The following SMARCC1 variants were observed in gnomAD, a reference collection of about 807,000 sequenced individuals.
SMARCC1 encodes the protein SWI/SNF complex subunit SMARCC1.
SMARCC1 carries 43 observed loss-of-function variants against 147.4 expected under a neutral mutation model. That is an observed-to-expected ratio of 0.29 (90% CI 0.23 to 0.38). SMARCC1 has a LOEUF of 0.38. SMARCC1 is among the 10% of genes least tolerant of loss of function. The probability of loss-of-function intolerance (pLI) is 1.00; values close to 1 mark genes in which losing one functional copy is unlikely to be tolerated. For synonymous variants in SMARCC1, 495 were observed against 484.4 expected (o/e 1.02, Z -0.29); for missense variants, 1,119 against 1,381.1 (o/e 0.81, Z 3.01).
chr3:47,627,287 T>C (rs1358928331), intron 24 of SMARCC1, among the ~76,000 whole-genome samples: 1 of 151,906 alleles, frequency 6.6e-6, no homozygotes, highest in East Asian at 1.9e-4. Context: ...TATTATCTAG[T>C]AGCACAACTT....
chr3:47,661,587 C>A, intron 20 of SMARCC1, 132 bp from the exon 21 acceptor site: 1 of 585,576 alleles, frequency 1.7e-6, no homozygotes, highest in East Asian at 2.8e-5. Context: ...CTCTCAGTCC[C>A]TCTATACCAG....
intron 10 of SMARCC1, among the ~76,000 whole-genome samples, chr3:47,701,810 T>C (rs1003297299): frequency 2.0e-5 from 3 of 151,944 alleles, no homozygotes; most frequent in Non-Finnish European, 4.4e-5. Context: ...AGAGACTCCA[T>C]CTAAAAGAAT....
chr3:47,680,452 G>C lies in SMARCC1; in HGVS notation c.1442C>G (p.Ser481Cys). Residue 481 changes from serine to cysteine, a missense_variant, in exon 15 of 28, where the codon TCC becomes TGC. Around this residue, in one of 6 missense-constraint regions of SMARCC1, gnomAD observed 542 missense variants for 611.8 expected, o/e 0.89. Transcript: ENST00000254480. ...LPEFFNGKNK[S>C]KTPEIYLAYR... ...CTGGCCTCACATTTCTGGAGTCTTG[G>C]ATTTGTTTTTTCCATTGAAGAACTC... 6.2e-7 allele frequency: 1 copy of C among 1,605,484 alleles called. No individual in the cohort carries two copies. The highest frequency in any genetic ancestry group is 2.2e-5 in the East Asian group (1 of 44,460).
chr3:47,590,350 A>G (rs2032155992), intron 27 of SMARCC1, among the ~76,000 whole-genome samples: 1 of 152,250 alleles, frequency 6.6e-6, no homozygotes, highest in Admixed American at 6.5e-5. Context: ...CAGTAGCTCT[A>G]CATGTCTGTT....
Position 47,701,557 on chromosome 3 carries a change from G to C in SMARCC1, c.1041-155C>G, listed in dbSNP as rs796844653. On this transcript the variant is annotated intron_variant, in intron 10 of 27. Transcript: ENST00000254480. Reference sequence around the variant, plus strand: ...AGGTCGGTCGCGGTGGTTCATGCCTGTAATCAGAGCACTTTGGGAGGCCGA... The same window carrying C: ...AGGTCGGTCGCGGTGGTTCATGCCTCTAATCAGAGCACTTTGGGAGGCCGA... The C allele has an allele frequency of 2.9e-5, 20 of 679,268 alleles. 1 individual carries two copies. The South Asian group carries it at 3.3e-4, about 11-fold the overall frequency. 42.1% of individuals were successfully genotyped at this position (679,268 alleles called of 1,614,324 possible).
chr3:47,696,791 G>A (rs981590500), intron 11 of SMARCC1, among the ~76,000 whole-genome samples: 6 of 152,096 alleles, frequency 3.9e-5, no homozygotes, highest in African/African-American at 1.2e-4. Context: ...CCAAAGTGGT[G>A]GGATTACAGG....
chr3:47,780,220 G>A (rs1344663377), intron 1 of SMARCC1, among the ~76,000 whole-genome samples: 1 of 121,530 alleles, frequency 8.2e-6, no homozygotes, highest in African/African-American at 3.2e-5. Flanking sequence ...TACCTAGGCT[G>A]GAGTGCAATG....
chr3:47,656,526 A>C (rs1054359164), intron 21 of SMARCC1, among the ~76,000 whole-genome samples: 1 of 152,218 alleles, frequency 6.6e-6, no homozygotes, highest in Non-Finnish European at 1.5e-5. Context: ...CAACTTCTCA[A>C]ATCCAATGAT....
chr3:47,751,398 G>A (rs962388074), intron 2 of SMARCC1, among the ~76,000 whole-genome samples: 1 of 151,912 alleles, frequency 6.6e-6, no homozygotes, highest in East Asian at 2.0e-4. Flanking sequence ...AAAATTAGCT[G>A]GGCATGGTGG....
In SMARCC1 at chr3:47,701,306, A is replaced by G. The variant is rs2033915523; in HGVS notation, c.1137T>C (p.Asn379=). Residue 379 remains asparagine (N), a synonymous_variant, in exon 11 of 28, where the codon AAT becomes AAC. Coordinates refer to ENST00000254480, the MANE Select transcript of SMARCC1 (RefSeq NM_003074.4). ...KDMEDPTPVP[N]IEEVVLPKNV... is the part of the protein sequence containing the mutation. Reference sequence around the variant, plus strand: ...TTTTGGGAAGTACTACTTCTTCTATATTGGGTACAGGTGTTGGGTCTTCCA... The same window carrying G: ...TTTTGGGAAGTACTACTTCTTCTATGTTGGGTACAGGTGTTGGGTCTTCCA... 1.2e-6 allele frequency: 2 copies of G among 1,613,154 alleles called. No homozygotes were observed. The highest frequency in any genetic ancestry group is 1.7e-6 in the Non-Finnish European group (2 of 1,179,174).
At position 47,650,940 on chromosome 3, in the gene SMARCC1, A is replaced by C. The variant is rs1013931057; in HGVS notation, c.2320+10354T>G. ...AATCAAATATGTTATCTGCATAATA[A>C]ATCAATTTAACAACTTCTACATGGG... On this transcript the variant is annotated intron_variant, in intron 21 of 27. Coordinates refer to ENST00000254480, the MANE Select transcript of SMARCC1 (RefSeq NM_003074.4). Among the ~76,000 whole-genome samples the C allele has an allele frequency of 2.6e-4, 39 of 152,236 alleles. 1 individual carries two copies. Among genetic ancestry groups the C allele is most frequent in the Admixed American group, 2.6e-3 (39 of 15,280 alleles).
chr3:47,696,916 A>T (rs2033859758), intron 11 of SMARCC1, among the ~76,000 whole-genome samples: 1 of 152,102 alleles, frequency 6.6e-6, no homozygotes, highest in Non-Finnish European at 1.5e-5. Flanking sequence ...GCTGCAGTGC[A>T]GTGATGCAAT....
chr3:47,744,121 T>G (rs1241871277), intron 3 of SMARCC1, among the ~76,000 whole-genome samples: 3 of 152,118 alleles, frequency 2.0e-5, no homozygotes, highest in African/African-American at 4.8e-5. Flanking sequence ...GAGCTACCTC[T>G]GATAACAAAA....
intron 1 of SMARCC1, 92 bp downstream of exon 1, chr3:47,781,511 G>T (rs966719216): frequency 7.9e-6 from 7 of 884,252 alleles, no homozygotes; most frequent in African/African-American, 7.2e-5. Context: ...GTGGCGTGCG[G>T]GGGGGAGGGG....
At chr3:47,772,524 A>G (rs904381551) in intron 2 of SMARCC1, among the ~76,000 whole-genome samples, 2 of 152,212 alleles carry the variant, frequency 1.3e-5, no homozygotes, top group African/African-American at 2.4e-5. Context: ...CTGCATCAGG[A>G]GAAAGCATGG....
At chr3:47,615,884 A>G (rs2032635516) in intron 25 of SMARCC1, among the ~76,000 whole-genome samples, 4 of 152,060 alleles carry the variant, frequency 2.6e-5, no homozygotes, top group African/African-American at 9.7e-5. Flanking sequence ...GGGTTTCACA[A>G]TGTTGGCCAG....
intron 13 of SMARCC1, among the ~76,000 whole-genome samples, chr3:47,688,216 T>C (rs1226411847): frequency 2.0e-5 from 3 of 151,762 alleles, no homozygotes; most frequent in Admixed American, 6.6e-5. Context: ...GCCTAGATCA[T>C]GCCATTGCAC....
intron 7 of SMARCC1, among the ~76,000 whole-genome samples, chr3:47,719,526 C>T (rs1367124471): frequency 6.6e-6 from 1 of 151,682 alleles, no homozygotes; most frequent in African/African-American, 2.4e-5. Context: ...CATGGTGAAA[C>T]CCCGTCTCTA....
At chr3:47,602,418 C>T (rs192529476) in intron 26 of SMARCC1, among the ~76,000 whole-genome samples, 3 of 152,294 alleles carry the variant, frequency 2.0e-5, no homozygotes, top group Admixed American at 1.3e-4. Flanking sequence ...CTGCCTCAGC[C>T]TCCCAAGTAG....
Sources: allele counts gnomAD v4.1 joint callset (sites outside exome capture counted in the v4.1 genomes callset), GRCh38; gene constraint gnomAD v4.1.1; regional missense constraint gnomAD v4.1.1; transcripts MANE v1.5; gene names NCBI Gene and HGNC (gene_info 2026-07-23, HGNC 2026-07-21).